The following OTUD4 variants were observed in gnomAD, a reference collection of about 807,000 sequenced individuals.
OTUD4 encodes the protein OTU domain-containing protein 4.
In OTUD4, 24 loss-of-function variants were observed where a neutral mutation model predicts 130.4. That is an observed-to-expected ratio of 0.18 (90% CI 0.13 to 0.26). The LOEUF (loss-of-function observed/expected upper bound fraction) is 0.26. OTUD4 is among the 10% of genes least tolerant of loss of function. OTUD4 has a pLI of 1.00. For missense variants in OTUD4, 1,031 were observed against 1,329.4 expected (o/e 0.78, Z 3.49); for synonymous variants, 420 against 472.5 (o/e 0.89, Z 1.44).
chr4:145,175,211 T>C (rs1410963102), intron 1 of OTUD4, among the ~76,000 whole-genome samples: 1 of 152,232 alleles, frequency 6.6e-6, no homozygotes, highest in Non-Finnish European at 1.5e-5. Context: ...TAATTCTGAA[T>C]CCACTTAGAG....
chr4:145,159,305 T>G (rs1414390471), intron 7 of OTUD4, 198 bp downstream of exon 7: 6 of 1,382,672 alleles, frequency 4.3e-6, no homozygotes, highest in Non-Finnish European at 5.6e-6. Flanking sequence ...ACACCAACTT[T>G]CAAAACAAAC....
At chr4:145,149,390 T>G (rs1750965124) in intron 13 of OTUD4, 1 of 152,322 alleles carries the variant, frequency 6.6e-6, no homozygotes, top group African/African-American at 2.4e-5. Context: ...AAAAAATAAA[T>G]TTCTGTTGTT....
intron 7 of OTUD4, among the ~76,000 whole-genome samples, chr4:145,158,281 G>C (rs903689124): frequency 6.6e-6 from 1 of 152,094 alleles, no homozygotes. Context: ...AGGAGATCGA[G>C]ACCATCCTGG....
intron 11 of OTUD4, among the ~76,000 whole-genome samples, chr4:145,152,053 T>G (rs1751091308): frequency 1.3e-5 from 2 of 152,170 alleles, no homozygotes; most frequent in Non-Finnish European, 2.9e-5. Context: ...TAATCTTCAT[T>G]TAAAGTTTGA....
chr4:145,155,706 C>A lies in OTUD4; in HGVS notation c.691-20G>T. The A allele has an allele frequency of 6.9e-7, 1 of 1,449,838 alleles. No homozygotes were observed. The allele number at this position is 1,449,838 out of a possible 1,614,324, so 89.8% of individuals were successfully genotyped here. ...CAGCTGCTAAACAAAGTCAGGAAGT[C>A]CAATCAACACATAAGTGCTTTTAAA... On this transcript the variant is annotated intron_variant, in intron 8 of 20. Transcript: ENST00000447906.
Position 145,162,669 on chromosome 4 carries a change from T to C in OTUD4, c.467A>G (p.Lys156Arg). 1 of 1,558,524 alleles carries C rather than the reference T, an allele frequency of 6.4e-7. No homozygotes were observed. Among genetic ancestry groups the C allele is most frequent in the Non-Finnish European group, 8.8e-7 (1 of 1,139,622 alleles). ...GNHYDIVYPI[K>R]YKESSAMCQS... Reference sequence around the variant, plus strand: ...ACACATAGCAGAGCTTTCTTTATACTTTATGGGATACACAATATCATAATG... The same window carrying C: ...ACACATAGCAGAGCTTTCTTTATACCTTATGGGATACACAATATCATAATG... The change falls in exon 6 of 21, where the codon AAG becomes AGG. Residue 156 changes from lysine to arginine, a missense_variant. This residue lies in a region of OTUD4 where 77 missense variants were observed against 172.9 expected (regional missense o/e 0.45). Coordinates refer to ENST00000447906, the MANE Select transcript of OTUD4 (RefSeq NM_001366057.1).
At chr4:145,170,456 T>A (rs1401854250) in intron 3 of OTUD4, among the ~76,000 whole-genome samples, 1 of 152,232 alleles carries the variant, frequency 6.6e-6, no homozygotes, top group African/African-American at 2.4e-5. Context: ...TAGAATCCAT[T>A]CAGACTTCAA....
chr4:145,138,789 A>C (rs1253824279), intron 20 of OTUD4, 139 bp from the exon 21 acceptor site: 1 of 677,156 alleles, frequency 1.5e-6, no homozygotes, highest in Non-Finnish European at 2.4e-6. Flanking sequence ...CCAAATACTA[A>C]ATCACTGTGA....
At chr4:145,142,107 G>T in intron 18 of OTUD4, 89 bp downstream of exon 18, 2 of 1,150,074 alleles carry the variant, frequency 1.7e-6, no homozygotes, top group Non-Finnish European at 2.6e-6. Context: ...ACCTAATCCT[G>T]CTCAGAGGTC....
chr4:145,139,300 T>C (rs2126736533), intron 20 of OTUD4, among the ~76,000 whole-genome samples: 1 of 152,300 alleles, frequency 6.6e-6, no homozygotes, highest in South Asian at 2.1e-4. Flanking sequence ...ATGAAAGTGG[T>C]CAGCAGGCTA....
At chr4:145,179,789 A>C in intron 1 of OTUD4, 26 bp downstream of exon 1, 3 of 1,103,842 alleles carry the variant, frequency 2.7e-6, no homozygotes, top group Non-Finnish European at 3.7e-6. Context: ...CTCCCCTCGA[A>C]GCCCTCCCCG....
chr4:145,169,015 T>C (rs1177959554), intron 3 of OTUD4, among the ~76,000 whole-genome samples: 1 of 152,256 alleles, frequency 6.6e-6, no homozygotes, highest in Non-Finnish European at 1.5e-5. Flanking sequence ...GTATTTCCAA[T>C]AGGCTAAGTG....
chr4:145,171,410 A>G (rs1217373636), intron 3 of OTUD4: 1 of 339,056 alleles, frequency 2.9e-6, no homozygotes, highest in Non-Finnish European at 5.3e-6. Flanking sequence ...CCCCAGTATT[A>G]TTTCAGATTT....
At chr4:145,166,827 G>A (rs116125427) in intron 3 of OTUD4, among the ~76,000 whole-genome samples, 7,780 of 152,200 alleles carry the variant, frequency 0.051, 283 homozygotes, top group Non-Finnish European at 0.079. Flanking sequence ...AGACAAGAGC[G>A]AAACTATGTC....
intron 1 of OTUD4, among the ~76,000 whole-genome samples, chr4:145,176,048 T>C (rs1752406143): frequency 1.3e-5 from 2 of 150,662 alleles, no homozygotes; most frequent in East Asian, 2.0e-4. Context: ...CTTTCTTTTT[T>C]TTTTTTCCGG....
intron 2 of OTUD4, among the ~76,000 whole-genome samples, 196 bp from the exon 3 acceptor site, chr4:145,171,916 G>A (rs984068013): frequency 7.9e-5 from 12 of 152,262 alleles, no homozygotes; most frequent in East Asian, 3.9e-4. Flanking sequence ...ACATACAAAA[G>A]AATTTAAAGA....
rs918930556 is a variant in OTUD4, at chr4:145,180,231, G to C, written c.-258C>G. 1 of 160,794 alleles carries C rather than the reference G, an allele frequency of 6.2e-6. No individual in the cohort carries two copies. Among genetic ancestry groups the C allele is most frequent in the South Asian group, 2.0e-4 (1 of 4,930 alleles). The allele number at this position is 160,794 out of a possible 1,614,324, so 10.0% of individuals were successfully genotyped here. ...CGCGCCCACGACAAACGGGGGGAGCGGGATTAAGGAAAACCCCGAGAGTGA... is the reference window on the plus strand; with the variant it reads ...CGCGCCCACGACAAACGGGGGGAGCCGGATTAAGGAAAACCCCGAGAGTGA... On this transcript the variant is annotated 5_prime_UTR_variant, in exon 1 of 21. Transcript: ENST00000447906.
intron 6 of OTUD4, among the ~76,000 whole-genome samples, chr4:145,162,220 T>A (rs1560992245): frequency 6.6e-6 from 1 of 152,190 alleles, no homozygotes; most frequent in Non-Finnish European, 1.5e-5. Flanking sequence ...TCTTTTATAT[T>A]ATAACAGAAT....
At chr4:145,143,868 C>G in intron 16 of OTUD4, 78 bp downstream of exon 16, 1 of 1,083,842 alleles carries the variant, frequency 9.2e-7, no homozygotes, top group Non-Finnish European at 1.4e-6. Flanking sequence ...ATTATTTTCA[C>G]CTTCTTCCAC....
Sources: gnomAD v4.1 joint callset for allele counts (sites outside exome capture counted in the v4.1 genomes callset) on GRCh38, gnomAD v4.1.1 for gene constraint, gnomAD v4.1.1 regional missense constraint, MANE v1.5 for transcripts, NCBI Gene and HGNC (gene_info 2026-07-23, HGNC 2026-07-21) for gene names.